Variants in PDE3A observed in about 807,000 individuals in gnomAD.
PDE3A encodes phosphodiesterase 3A.
PDE3A carries 43 observed loss-of-function variants against 98.3 expected under a neutral mutation model. The observed-to-expected ratio is 0.44, with a 90% CI of 0.34 to 0.56. The LOEUF (loss-of-function observed/expected upper bound fraction) is 0.56, where lower values mean the gene tolerates loss of function less well. Among genes scored for constraint, PDE3A ranks in the 20% least tolerant of loss-of-function variants. The pLI is 0.01. For missense variants in PDE3A, 1,427 were observed against 1,440.7 expected, an observed-to-expected ratio of 0.99 and a Z score of 0.15; for synonymous variants, 663 against 567.9, an observed-to-expected ratio of 1.17 and a Z score of -2.38.
intron 2 of PDE3A, among the ~76,000 whole-genome samples, chr12:20,590,963 G>T (rs1943326321): frequency 6.6e-6 from 1 of 152,174 alleles, no homozygotes; most frequent in Non-Finnish European, 1.5e-5. Flanking sequence ...CTTCGAAAGT[G>T]CAGAGCACTT....
chr12:20,685,409 C>CAAAAA lies in PDE3A; in HGVS notation c.*5157_*5161dup, dbSNP rs71442269. On this transcript the variant is annotated 3_prime_UTR_variant, in exon 16 of 16. Transcript: ENST00000359062. ...GGGCAACAGGAGTTAAATTTTGCCT[C>CAAAAA]AAAAAAAAAAAAAAAAAAAAAAAGA... is the stretch of plus-strand genomic sequence containing the variant. 0.031 allele frequency among the ~76,000 whole-genome samples: 2,257 copies of CAAAAA among 73,632 alleles called. 68 individuals are homozygous for CAAAAA. Among genetic ancestry groups the CAAAAA allele is most frequent in the Non-Finnish European group, 0.035 (1,498 of 42,348 alleles). The allele number at this position is 73,632 out of a possible 152,430, so 48.3% of individuals were successfully genotyped here. A position where few individuals can be genotyped will look rare whatever the true frequency, so the allele number is the denominator to read the frequency against.
intron 5 of PDE3A, among the ~76,000 whole-genome samples, chr12:20,626,306 C>T (rs1944263098): frequency 6.6e-6 from 1 of 151,238 alleles, no homozygotes; most frequent in Admixed American, 6.6e-5. Flanking sequence ...TATGCATGCA[C>T]ATCCTAATTC....
At chr12:20,514,416 A>G (rs747902732) in intron 1 of PDE3A, among the ~76,000 whole-genome samples, 48 of 152,190 alleles carry the variant, frequency 3.2e-4, no homozygotes, top group Non-Finnish European at 5.9e-5. Flanking sequence ...TGTAAATTAT[A>G]TTATTTGTGT....
At chr12:20,516,184 A>G (rs1226354658) in intron 1 of PDE3A, among the ~76,000 whole-genome samples, 1 of 152,002 alleles carries the variant, frequency 6.6e-6, no homozygotes, top group Non-Finnish European at 1.5e-5. Flanking sequence ...TTTTTTTCAT[A>G]GATTCTTACT....
intron 1 of PDE3A, among the ~76,000 whole-genome samples, chr12:20,538,488 A>C (rs2121210692): frequency 6.6e-6 from 1 of 152,174 alleles, no homozygotes; most frequent in South Asian, 2.1e-4. Flanking sequence ...TGATCTCCTG[A>C]TCTGTAAGGG....
chr12:20,371,383 C>A, intron 1 of PDE3A: 1 of 984,626 alleles, frequency 1.0e-6, no homozygotes, highest in Non-Finnish European at 1.2e-6. Flanking sequence ...TTGGATACAG[C>A]AAGTGGAAAT....
chr12:20,561,965 C>T (rs1306173268), intron 2 of PDE3A, among the ~76,000 whole-genome samples: 1 of 152,064 alleles, frequency 6.6e-6, no homozygotes, highest in Non-Finnish European at 1.5e-5. Context: ...GCTGATTTTT[C>T]TTCTTTCTTT....
rs2120869455 is a variant in PDE3A, at chr12:20,447,231, G to A, written c.960+76987G>A. ...AAGGTGGTAGGAGGATATTCTTAAA[G>A]TAGAGCCAGTTGAATTTGCTAATTG... On this transcript the variant is annotated intron_variant, in intron 1 of 15. Transcript: ENST00000359062. 2.0e-5 allele frequency among the ~76,000 whole-genome samples: 3 copies of A among 152,332 alleles called. 1 individual carries two copies. The Middle Eastern group carries it at 0.01, about 518-fold the overall frequency.
intron 2 of PDE3A, among the ~76,000 whole-genome samples, chr12:20,607,051 A>G (rs6487113): frequency 0.91 from 138,677 of 151,936 alleles, 63,483 homozygotes; most frequent in East Asian, 1. Flanking sequence ...GCCATTAACA[A>G]TTGTGGTAGT....
intron 1 of PDE3A, among the ~76,000 whole-genome samples, chr12:20,455,178 C>T (rs913127493): frequency 1.3e-5 from 2 of 152,146 alleles, no homozygotes; most frequent in African/African-American, 4.8e-5. Flanking sequence ...GATGGTATCT[C>T]ATTGTGGTTT....
At chr12:20,551,458 G>A in intron 1 of PDE3A, 2 of 617,780 alleles carry the variant, frequency 3.2e-6, no homozygotes, top group Non-Finnish European at 5.7e-6. Flanking sequence ...GCTCTTTCTC[G>A]ATTCCGTGGG....
chr12:20,415,667 C>A (rs1944410670), intron 1 of PDE3A, among the ~76,000 whole-genome samples: 1 of 152,142 alleles, frequency 6.6e-6, no homozygotes, highest in Non-Finnish European at 1.5e-5. Flanking sequence ...GAACTCCTGA[C>A]CTCAGGTGAT....
Position 20,613,591 on chromosome 12 carries a change from T to C in PDE3A, c.1160T>C (p.Phe387Ser). ...AACTTGCTCAGCACACAGCTCACCT[T>C]CCAGGCCATTCACAAGCCCAGAGTG... is the stretch of plus-strand genomic sequence containing the variant. ...VSNLLSTQLT[F>S]QAIHKPRVNP... Residue 387 changes from phenylalanine to serine, a missense_variant, in exon 3 of 16, where the codon TTC (phenylalanine) becomes TCC (serine). Transcript: ENST00000359062. 1 of 1,614,106 alleles carries C rather than the reference T, an allele frequency of 6.2e-7. No homozygotes were observed. Among genetic ancestry groups the C allele is most frequent in the Non-Finnish European group, 8.5e-7 (1 of 1,179,934 alleles).
At chr12:20,660,872 A>C (rs12580628) in intron 15 of PDE3A, among the ~76,000 whole-genome samples, 6,819 of 152,190 alleles carry the variant, frequency 0.045, 266 homozygotes, top group African/African-American at 0.1. Flanking sequence ...GTAAATTGGT[A>C]CTGGTAGAGT....
intron 1 of PDE3A, among the ~76,000 whole-genome samples, chr12:20,475,543 A>G (rs910698982): frequency 1.3e-5 from 2 of 152,214 alleles, no homozygotes; most frequent in Admixed American, 1.3e-4. Context: ...AGCCTGGCCA[A>G]CGTGGTGAAA....
chr12:20,674,076 A>G (rs942488021), intron 15 of PDE3A, among the ~76,000 whole-genome samples: 3 of 152,012 alleles, frequency 2.0e-5, no homozygotes, highest in African/African-American at 7.2e-5. Flanking sequence ...TTTTATAGCT[A>G]TTGTAAAAGG....
intron 1 of PDE3A, among the ~76,000 whole-genome samples, chr12:20,409,759 A>G (rs964380442): frequency 6.6e-6 from 1 of 152,222 alleles, no homozygotes; most frequent in Non-Finnish European, 1.5e-5. Context: ...ACAAAGGAGT[A>G]TTACAAGGAA....
chr12:20,614,333 C>T (rs1488236743), intron 3 of PDE3A, among the ~76,000 whole-genome samples: 1 of 152,046 alleles, frequency 6.6e-6, no homozygotes, highest in East Asian at 1.9e-4. Flanking sequence ...GATCCTCACC[C>T]AGTTTAGATC....
At chr12:20,497,074 A>G (rs945630938) in intron 1 of PDE3A, among the ~76,000 whole-genome samples, 2 of 152,152 alleles carry the variant, frequency 1.3e-5, no homozygotes, top group African/African-American at 2.4e-5. Flanking sequence ...TGGAAGCTAT[A>G]TTATTAGATC....
Sources: gnomAD v4.1 joint callset for allele counts (sites outside exome capture counted in the v4.1 genomes callset) on GRCh38, gnomAD v4.1.1 for gene constraint, MANE v1.5 for transcripts, NCBI Gene and HGNC (gene_info 2026-07-23, HGNC 2026-07-21) for gene names.